FIGN: variants seen among roughly 807,000 people sequenced by gnomAD.
The protein encoded by FIGN is fidgetin.
In FIGN, 11 loss-of-function variants were observed where a neutral mutation model predicts 51.3. That is an observed-to-expected ratio of 0.21 (90% CI 0.13 to 0.35). The LOEUF is 0.35. Ranked by LOEUF, FIGN falls within the 10% of genes least tolerant of loss-of-function variation. The pLI is 1.00. For synonymous variants in FIGN, 407 were observed against 363.2 expected (o/e 1.12, Z -1.37); for missense variants, 857 against 943.6 (o/e 0.91, Z 1.20).
intron 2 of FIGN, among the ~76,000 whole-genome samples, chr2:163,653,274 A>G (rs1683506851): frequency 6.6e-6 from 1 of 152,074 alleles, no homozygotes; most frequent in African/African-American, 2.4e-5. Context: ...TAGGAATGCA[A>G]TAGTAAATAA....
chr2:163,726,910 T>C (rs964135766), intron 2 of FIGN, among the ~76,000 whole-genome samples: 1 of 152,086 alleles, frequency 6.6e-6, no homozygotes, highest in Non-Finnish European at 1.5e-5. Context: ...GTTTATTTCA[T>C]AGTATTTGTT....
intron 2 of FIGN, among the ~76,000 whole-genome samples, chr2:163,723,388 A>G (rs1684789822): frequency 1.3e-5 from 2 of 152,152 alleles, no homozygotes. Flanking sequence ...ACAGCTTCAT[A>G]ATAGAGAAAC....
chr2:163,641,124 T>A (rs1176765569), intron 2 of FIGN, among the ~76,000 whole-genome samples: 1 of 152,210 alleles, frequency 6.6e-6, no homozygotes, highest in Admixed American at 6.5e-5. Context: ...ACCAATGAAG[T>A]TCACAAACTA....
intron 2 of FIGN, among the ~76,000 whole-genome samples, chr2:163,687,990 G>A (rs913363654): frequency 6.6e-5 from 10 of 152,084 alleles, no homozygotes; most frequent in African/African-American, 9.7e-5. Context: ...TGTATTACAC[G>A]TCAACTATAC....
chr2:163,650,494 C>T (rs1158589869), intron 2 of FIGN, among the ~76,000 whole-genome samples: 1 of 151,954 alleles, frequency 6.6e-6, no homozygotes, highest in Non-Finnish European at 1.5e-5. Context: ...TTGCACTAAT[C>T]AGTTTGTCAT....
intron 2 of FIGN, chr2:163,612,612 C>T: frequency 1.0e-6 from 1 of 984,916 alleles, no homozygotes; most frequent in Non-Finnish European, 1.2e-6. Context: ...CATCACTTGT[C>T]TGTCGGTCTT....
At chr2:163,674,257 T>C (rs1415758354) in intron 2 of FIGN, among the ~76,000 whole-genome samples, 1 of 152,128 alleles carries the variant, frequency 6.6e-6, no homozygotes, top group Non-Finnish European at 1.5e-5. Context: ...GCCAGCTGAA[T>C]GTGCGTGTGT....
chr2:163,729,574 A>G (rs1684893506), intron 2 of FIGN, among the ~76,000 whole-genome samples: 1 of 152,132 alleles, frequency 6.6e-6, no homozygotes, highest in African/African-American at 2.4e-5. Context: ...TATAAAACAT[A>G]CTTTCTAAAA....
chr2:163,681,817 C>T (rs949146321), intron 2 of FIGN, among the ~76,000 whole-genome samples: 1 of 152,134 alleles, frequency 6.6e-6, no homozygotes, highest in African/African-American at 2.4e-5. Context: ...ATGAAGAACT[C>T]TGTGGAGAAT....
In FIGN at chr2:163,609,509, T is replaced by C. The variant is rs779573744; in HGVS notation, c.*43A>G. On this transcript the variant is annotated 3_prime_UTR_variant, in exon 3 of 3. Transcript: ENST00000333129. ...TTCCCTATGTAGCAGGTTTTATGTG[T>C]GTGTGCCAACATTCATTACATTTTT... The C allele has an allele frequency of 5.2e-6, 8 of 1,532,826 alleles. No homozygotes were observed. Among genetic ancestry groups the C allele is most frequent in the Non-Finnish European group, 6.2e-6 (7 of 1,132,226 alleles). 95.0% of individuals were successfully genotyped at this position (1,532,826 alleles called of 1,614,324 possible). A position where few individuals can be genotyped will look rare whatever the true frequency, so the allele number is the denominator to read the frequency against.
At chr2:163,713,780 T>C (rs535407607) in intron 2 of FIGN, among the ~76,000 whole-genome samples, 48 of 152,224 alleles carry the variant, frequency 3.2e-4, no homozygotes, top group African/African-American at 8.2e-4. Context: ...TAAAGGATGG[T>C]TTTGATTTGC....
intron 2 of FIGN, among the ~76,000 whole-genome samples, chr2:163,682,773 C>G (rs188679967): frequency 6.6e-6 from 1 of 152,102 alleles, no homozygotes; most frequent in African/African-American, 2.4e-5. Context: ...AACACCTGTA[C>G]GTATAGGGCC....
intron 2 of FIGN, among the ~76,000 whole-genome samples, chr2:163,629,678 G>T (rs1464988707): frequency 6.6e-6 from 1 of 152,084 alleles, no homozygotes; most frequent in Admixed American, 6.6e-5. Flanking sequence ...ATCTATGGTT[G>T]CTTTCTAGCT....
intron 2 of FIGN, among the ~76,000 whole-genome samples, chr2:163,636,362 C>T (rs1014108481): frequency 2.0e-5 from 3 of 152,080 alleles, no homozygotes; most frequent in Admixed American, 6.6e-5. Context: ...CTTGGCTCAC[C>T]GCAACCTCTG....
chr2:163,730,076 C>T (rs753895734), intron 2 of FIGN, among the ~76,000 whole-genome samples: 2 of 152,242 alleles, frequency 1.3e-5, no homozygotes, highest in Non-Finnish European at 2.9e-5. Context: ...ATTGAGGCAG[C>T]GCTTCTGAGC....
intron 2 of FIGN, among the ~76,000 whole-genome samples, chr2:163,662,525 A>G (rs1559013256): frequency 6.6e-6 from 1 of 152,194 alleles, no homozygotes; most frequent in Non-Finnish European, 1.5e-5. Flanking sequence ...CCACGGGGAA[A>G]ATGTCTCCAG....
Position 163,611,417 on chromosome 2 carries a change from G to C in FIGN, c.415C>G (p.Leu139Val), listed in dbSNP as rs1691256478. Residue 139 changes from leucine to valine, a missense_variant, in exon 3 of 3, where the codon CTC (leucine) becomes GTC (valine). Transcript: ENST00000333129. ...TASKAGVSSA[L>V]PPADVSASIG... ...CTCGCAGAGACATCTGCTGGAGGGA[G>C]GGCTGAACTGACTCCAGCTTTGCTG... The C allele has an allele frequency of 3.1e-6, 5 of 1,614,152 alleles. No individual in the cohort carries two copies. The highest frequency in any genetic ancestry group is 4.2e-6 in the Non-Finnish European group (5 of 1,180,008).
At chr2:163,727,396 AAT>A (rs199676201) in intron 2 of FIGN, among the ~76,000 whole-genome samples, 2,137 of 151,954 alleles carry the variant, frequency 0.014, 45 homozygotes, top group African/African-American at 0.048. Flanking sequence ...AAAAAAAAAA[AAT>A]ATTCCTAAAC....
intron 2 of FIGN, among the ~76,000 whole-genome samples, chr2:163,695,846 G>A (rs1054406003): frequency 6.6e-5 from 10 of 152,140 alleles, no homozygotes; most frequent in African/African-American, 1.9e-4. Context: ...ATTGGCTCAC[G>A]CCTGTAATTC....
Sources: gnomAD v4.1 joint callset for allele counts (sites outside exome capture counted in the v4.1 genomes callset) on GRCh38, gnomAD v4.1.1 for gene constraint, MANE v1.5 for transcripts, NCBI Gene and HGNC (gene_info 2026-07-23, HGNC 2026-07-21) for gene names.